The following NKAIN3 variants were observed in gnomAD, a reference collection of about 807,000 sequenced individuals.
NKAIN3 encodes sodium/potassium transporting ATPase interacting 3, also known as sodium/potassium-transporting ATPase subunit beta-1-interacting protein 3.
NKAIN3 carries 25 observed loss-of-function variants against 30.2 expected under a neutral mutation model. That is an observed-to-expected ratio of 0.83 (90% CI 0.60 to 1.16). The LOEUF is 1.16. Ranked by LOEUF, NKAIN3 falls within the 50% of genes most tolerant of loss-of-function variation. The pLI is 0.00. For synonymous variants in NKAIN3, 91 were observed against 89.6 expected, an observed-to-expected ratio of 1.02 and a Z score of -0.09; for missense variants, 225 against 254.1, an observed-to-expected ratio of 0.89 and a Z score of 0.78.
chr8:62,492,265 G>C (rs1807095417), intron 1 of NKAIN3, among the ~76,000 whole-genome samples: 1 of 152,142 alleles, frequency 6.6e-6, no homozygotes, highest in South Asian at 2.1e-4. Context: ...CAAGTGTAGA[G>C]TGCAGTATTT....
intron 3 of NKAIN3, among the ~76,000 whole-genome samples, chr8:62,734,667 T>C (rs114247816): frequency 0.034 from 5,175 of 152,226 alleles, 120 homozygotes; most frequent in Middle Eastern, 0.082. Context: ...GAGAATACAG[T>C]CACGGAAAGG....
intron 3 of NKAIN3, among the ~76,000 whole-genome samples, chr8:62,615,991 TA>T (rs770451937): frequency 5.3e-5 from 8 of 152,012 alleles, no homozygotes; most frequent in Non-Finnish European, 1.2e-4. Flanking sequence ...AGATAGTTGT[TA>T]ACTTGGTGTT....
chr8:62,589,200 TATG>T (rs1810575319), intron 2 of NKAIN3, among the ~76,000 whole-genome samples: 1 of 151,794 alleles, frequency 6.6e-6, no homozygotes, highest in Admixed American at 6.6e-5. Context: ...ATTTTTATTA[TATG>T]ATCATATTAG....
chr8:62,689,337 C>T (rs187768490), intron 3 of NKAIN3, among the ~76,000 whole-genome samples: 5 of 152,248 alleles, frequency 3.3e-5, no homozygotes, highest in African/African-American at 1.2e-4. Flanking sequence ...CCCCAGAGAC[C>T]AGGTCTCTCC....
chr8:62,957,182 G>A (rs1251691837), intron 6 of NKAIN3, among the ~76,000 whole-genome samples: 1 of 152,070 alleles, frequency 6.6e-6, no homozygotes, highest in Non-Finnish European at 1.5e-5. Flanking sequence ...CACCCAGTGG[G>A]GAGTGCAGTG....
intron 4 of NKAIN3, among the ~76,000 whole-genome samples, chr8:62,749,433 C>T (rs912601289): frequency 6.6e-6 from 1 of 152,208 alleles, no homozygotes; most frequent in African/African-American, 2.4e-5. Flanking sequence ...ACATATAGCT[C>T]TATACTCTTC....
At chr8:62,996,679 C>T (rs1247930802) in intron 5 of NKAIN3, among the ~76,000 whole-genome samples, 1 of 152,130 alleles carries the variant, frequency 6.6e-6, no homozygotes, top group Non-Finnish European at 1.5e-5. Flanking sequence ...ATGGGGGGTA[C>T]AAGTATTGGG....
At chr8:62,503,212 G>C (rs1807517418) in intron 1 of NKAIN3, among the ~76,000 whole-genome samples, 2 of 152,152 alleles carry the variant, frequency 1.3e-5, no homozygotes, top group South Asian at 4.1e-4. Context: ...TTTTATAATT[G>C]GGCCACCAGG....
Position 62,879,865 on chromosome 8 carries a change from C to T in NKAIN3, c.472-38588C>T, listed in dbSNP as rs115995065. On this transcript the variant is annotated intron_variant, in intron 4 of 6. Transcript: ENST00000623646. ...AGGACTCAGAATCTGACTCCCACCC[C>T]GTCAACTGGCCATAGTCTTGTGCAT... Among the ~76,000 whole-genome samples, 1,331 of 152,276 alleles carry T rather than the reference C, an allele frequency of 8.7e-3. 17 individuals carry two copies. Among genetic ancestry groups the T allele is most frequent in the African/African-American group, 0.03 (1,258 of 41,552 alleles).
At chr8:62,404,991 G>A (rs12541660) in intron 1 of NKAIN3, among the ~76,000 whole-genome samples, 13,955 of 152,102 alleles carry the variant, frequency 0.092, 841 homozygotes, top group African/African-American at 0.16. Flanking sequence ...TGCTGCAACC[G>A]AGTCCTTCCT....
intron 3 of NKAIN3, among the ~76,000 whole-genome samples, chr8:62,669,275 A>G (rs1813224987): frequency 6.6e-6 from 1 of 152,136 alleles, no homozygotes; most frequent in Non-Finnish European, 1.5e-5. Context: ...CTGCATTTCC[A>G]TCTGAAGGCT....
chr8:62,959,954 G>A (rs117864817), intron 6 of NKAIN3, among the ~76,000 whole-genome samples: 4,810 of 152,124 alleles, frequency 0.032, 110 homozygotes, highest in Non-Finnish European at 0.05. Context: ...TGGCACTCAG[G>A]ACTCGTTGCT....
At chr8:62,794,085 G>A (rs560698916) in intron 4 of NKAIN3, among the ~76,000 whole-genome samples, 29 of 152,262 alleles carry the variant, frequency 1.9e-4, no homozygotes, top group African/African-American at 7.0e-4. Flanking sequence ...GTGGCTATTA[G>A]AATAGGTGAG....
chr8:62,345,611 A>G (rs1162254932), intron 1 of NKAIN3, among the ~76,000 whole-genome samples: 4 of 144,230 alleles, frequency 2.8e-5, no homozygotes, highest in Non-Finnish European at 6.0e-5. Flanking sequence ...ACATATATGT[A>G]TATACACACA....
At chr8:62,556,524 CAA>C (rs1809396007) in intron 1 of NKAIN3, among the ~76,000 whole-genome samples, 1 of 151,442 alleles carries the variant, frequency 6.6e-6, no homozygotes, top group East Asian at 1.9e-4. Flanking sequence ...ACTTAAAAGA[CAA>C]AGATTCTCAG....
At chr8:62,720,526 G>A (rs185134819) in intron 3 of NKAIN3, among the ~76,000 whole-genome samples, 2 of 152,050 alleles carry the variant, frequency 1.3e-5, no homozygotes, top group Admixed American at 6.5e-5. Context: ...GCATGGATCC[G>A]ACCCATGGAT....
At chr8:62,478,094 A>G (rs1006625615) in intron 1 of NKAIN3, among the ~76,000 whole-genome samples, 1 of 152,096 alleles carries the variant, frequency 6.6e-6, no homozygotes. Context: ...TCCAAAAACC[A>G]TCACATTGGA....
chr8:62,794,019 G>A (rs1240804623), intron 4 of NKAIN3, among the ~76,000 whole-genome samples: 1 of 152,154 alleles, frequency 6.6e-6, no homozygotes, highest in African/African-American at 2.4e-5. Context: ...CACATTGGAT[G>A]TGCTTGAACA....
intron 4 of NKAIN3, among the ~76,000 whole-genome samples, chr8:62,913,045 A>C (rs1306092256): frequency 6.6e-6 from 1 of 152,166 alleles, no homozygotes; most frequent in Non-Finnish European, 1.5e-5. Context: ...AAGGTGTTTC[A>C]GGGGCAATAA....
Sources: allele counts gnomAD v4.1 joint callset (sites outside exome capture counted in the v4.1 genomes callset), GRCh38; gene constraint gnomAD v4.1.1; transcripts MANE v1.5; gene names NCBI Gene and HGNC (gene_info 2026-07-23, HGNC 2026-07-21).